Variants in ACSS3 observed in about 807,000 individuals in gnomAD.
ACSS3 encodes the protein acyl-CoA synthetase short chain family member 3.
ACSS3 carries 64 observed loss-of-function variants against 84.2 expected under a neutral mutation model. The observed-to-expected ratio is 0.76, with a 90% CI of 0.62 to 0.94. The LOEUF (loss-of-function observed/expected upper bound fraction) is 0.94, where lower values mean the gene tolerates loss of function less well. Ranked by LOEUF, ACSS3 falls within the 40% of genes least tolerant of loss-of-function variation. ACSS3 has a pLI of 0.00. For synonymous variants in ACSS3, 317 were observed against 310.1 expected, an observed-to-expected ratio of 1.02 and a Z score of -0.23; for missense variants, 815 against 867.6, an observed-to-expected ratio of 0.94 and a Z score of 0.76.
intron 8 of ACSS3, among the ~76,000 whole-genome samples, chr12:81,195,644 C>T (rs1450552077): frequency 6.6e-6 from 1 of 151,742 alleles, no homozygotes. Flanking sequence ...CCTTGCTCTC[C>T]CATTTTCTTC....
chr12:81,127,088 A>G (rs940561290), intron 2 of ACSS3, among the ~76,000 whole-genome samples: 1 of 151,826 alleles, frequency 6.6e-6, no homozygotes, highest in Non-Finnish European at 1.5e-5. Context: ...TCATCTTTAA[A>G]AGAAAGATTT....
At chr12:81,171,508 C>G (rs1330894296) in intron 7 of ACSS3, among the ~76,000 whole-genome samples, 1 of 151,996 alleles carries the variant, frequency 6.6e-6, no homozygotes, top group Admixed American at 6.6e-5. Flanking sequence ...GACAATAAAA[C>G]ACAAAGCAAT....
chr12:81,106,422 A>C (rs1240665794), intron 1 of ACSS3, among the ~76,000 whole-genome samples: 2 of 152,174 alleles, frequency 1.3e-5, no homozygotes, highest in Non-Finnish European at 2.9e-5. Flanking sequence ...CTGATTCTAC[A>C]TTATGGTGAG....
intron 13 of ACSS3, among the ~76,000 whole-genome samples, chr12:81,244,406 T>A (rs1214760567): frequency 6.6e-6 from 1 of 152,118 alleles, no homozygotes; most frequent in African/African-American, 2.4e-5. Context: ...TGATTTTGTG[T>A]CAGCATTAAT....
At chr12:81,254,607 G>A (rs550868520) in intron 15 of ACSS3, among the ~76,000 whole-genome samples, 3 of 152,238 alleles carry the variant, frequency 2.0e-5, no homozygotes, top group African/African-American at 7.2e-5. Flanking sequence ...AGACTCTTAA[G>A]AGGAACTCCA....
At chr12:81,181,369 C>A (rs569114191) in intron 8 of ACSS3, among the ~76,000 whole-genome samples, 201 of 152,286 alleles carry the variant, frequency 1.3e-3, no homozygotes, top group African/African-American at 4.6e-3. Context: ...CCGATGCCCT[C>A]CAGCCTGTCG....
intron 8 of ACSS3, among the ~76,000 whole-genome samples, chr12:81,179,778 C>CAAAA (rs201290758): frequency 3.3e-3 from 244 of 73,464 alleles, no homozygotes; most frequent in African/African-American, 0.014. Context: ...GACTCCGTCT[C>CAAAA]AAAAAAAAAA....
intron 8 of ACSS3, among the ~76,000 whole-genome samples, chr12:81,191,330 C>T (rs1286631578): frequency 6.6e-6 from 1 of 151,970 alleles, no homozygotes; most frequent in Admixed American, 6.6e-5. Context: ...CTGTTATCCC[C>T]CTCTTCCTTT....
intron 7 of ACSS3, among the ~76,000 whole-genome samples, chr12:81,170,103 G>T (rs1462351015): frequency 6.6e-6 from 1 of 152,078 alleles, no homozygotes; most frequent in African/African-American, 2.4e-5. Context: ...TGGAATCATA[G>T]GATTAATCAT....
chr12:81,199,707 A>G (rs1593188491), intron 9 of ACSS3: 1 of 1,370,970 alleles, frequency 7.3e-7, no homozygotes, highest in Non-Finnish European at 9.6e-7. Flanking sequence ...TGTTTCTTAT[A>G]TCTGGTAAGT....
chr12:81,178,865 C>G (rs1785941882), intron 8 of ACSS3, among the ~76,000 whole-genome samples: 1 of 152,036 alleles, frequency 6.6e-6, no homozygotes. Flanking sequence ...AGAACGAAGC[C>G]AGAGGCATTA....
chr12:81,199,451 AT>A lies in ACSS3; in HGVS notation c.1354+11del, dbSNP rs2031998779. On this transcript the variant is annotated splice_region_variant and intron_variant, in intron 9 of 15. Coordinates refer to ENST00000548058, the MANE Select transcript of ACSS3 (RefSeq NM_024560.4). Reference sequence around the variant, plus strand: ...GACCATTGGTGGCAAACTGGTAAGCATTTTCCTAGCATGTACATAAATAGTA... The same window carrying A: ...GACCATTGGTGGCAAACTGGTAAGCATTTCCTAGCATGTACATAAATAGTA... 2 of 1,607,230 alleles carry A rather than the reference AT, an allele frequency of 1.2e-6. No individual in the cohort carries two copies. Among genetic ancestry groups the A allele is most frequent in the Non-Finnish European group, 1.7e-6 (2 of 1,175,666 alleles).
chr12:81,095,203 C>T (rs898728212), intron 1 of ACSS3, among the ~76,000 whole-genome samples: 16 of 152,092 alleles, frequency 1.1e-4, no homozygotes, highest in African/African-American at 3.9e-4. Flanking sequence ...TGGTTCTTTG[C>T]CAGCTCATCA....
At chr12:81,098,763 C>T (rs771220187) in intron 1 of ACSS3, among the ~76,000 whole-genome samples, 8 of 152,202 alleles carry the variant, frequency 5.3e-5, no homozygotes, top group Non-Finnish European at 8.8e-5. Context: ...CCTCAAAGCT[C>T]AGGCCTTAAC....
chr12:81,188,328 T>C (rs1001840740), intron 8 of ACSS3, among the ~76,000 whole-genome samples: 2 of 152,038 alleles, frequency 1.3e-5, no homozygotes, highest in African/African-American at 4.8e-5. Context: ...GTAGAAGTAA[T>C]TTAATAGGGA....
intron 8 of ACSS3, among the ~76,000 whole-genome samples, chr12:81,186,196 A>G (rs1402584125): frequency 6.6e-6 from 1 of 151,816 alleles, no homozygotes; most frequent in African/African-American, 2.4e-5. Context: ...TACATTATAC[A>G]CAAAAATCAA....
intron 13 of ACSS3, among the ~76,000 whole-genome samples, chr12:81,243,707 A>G (rs922907163): frequency 6.6e-6 from 1 of 152,170 alleles, no homozygotes; most frequent in Non-Finnish European, 1.5e-5. Flanking sequence ...ATAACGCCAC[A>G]TATCTACAAC....
At chr12:81,253,749 A>C in intron 15 of ACSS3, 79 bp downstream of exon 15, 1 of 1,447,328 alleles carries the variant, frequency 6.9e-7, no homozygotes, top group South Asian at 1.3e-5. Flanking sequence ...GCTCTTAAAA[A>C]TGGTTCTCAA....
chr12:81,111,807 C>A (rs1023624596), intron 2 of ACSS3, among the ~76,000 whole-genome samples: 2 of 152,156 alleles, frequency 1.3e-5, no homozygotes, highest in Non-Finnish European at 2.9e-5. Context: ...AATATCTTGT[C>A]CTCCTTTGAT....
Sources: allele counts gnomAD v4.1 joint callset (sites outside exome capture counted in the v4.1 genomes callset), GRCh38; gene constraint gnomAD v4.1.1; transcripts MANE v1.5; gene names NCBI Gene and HGNC (gene_info 2026-07-23, HGNC 2026-07-21).